SLC22A4: variants seen among roughly 807,000 people sequenced by gnomAD.
The protein encoded by SLC22A4 is solute carrier family 22 member 4.
A neutral mutation model predicts 56.6 loss-of-function variants in SLC22A4; 39 were observed. The ratio of observed to expected loss-of-function variants is 0.69; its 90% CI spans 0.53 to 0.90. The LOEUF is 0.90. Ranked by LOEUF, SLC22A4 falls within the 40% of genes least tolerant of loss-of-function variation. SLC22A4 has a pLI of 0.00. For synonymous variants in SLC22A4, 241 were observed against 281.4 expected (o/e 0.86, Z 1.44); for missense variants, 594 against 696.5 (o/e 0.85, Z 1.66).
chr5:132,323,556 C>A (rs1750602054), intron 4 of SLC22A4, among the ~76,000 whole-genome samples: 1 of 152,206 alleles, frequency 6.6e-6, no homozygotes. Flanking sequence ...TTGCAACATT[C>A]CTCTGGAACC....
chr5:132,340,078 T>G (rs908343921), intron 8 of SLC22A4, among the ~76,000 whole-genome samples: 18 of 148,316 alleles, frequency 1.2e-4, no homozygotes, highest in Admixed American at 8.0e-4. Context: ...TTTTTTTTTT[T>G]TTTTTTTTTT....
intron 8 of SLC22A4, among the ~76,000 whole-genome samples, chr5:132,337,441 A>AT (rs879612640): frequency 8.7e-4 from 125 of 143,340 alleles, no homozygotes; most frequent in East Asian, 2.2e-3. Context: ...AGCCCAGCTA[A>AT]TTTTTTTTTT....
In SLC22A4 at chr5:132,331,207, C is replaced by T. The variant is rs184794865; in HGVS notation, c.952-549C>T. 8.3e-4 allele frequency among the ~76,000 whole-genome samples: 127 copies of T among 152,222 alleles called. 2 individuals are homozygous for T. In the East Asian group the frequency reaches 0.019, roughly 23 times the overall value. On this transcript the variant is annotated intron_variant, in intron 5 of 9. Coordinates refer to ENST00000200652, the MANE Select transcript of SLC22A4 (RefSeq NM_003059.3). ...AATTAGCCAGATGCGGTGGTGCTCG[C>T]CTGTAATCCCAGCTACTCAGGAGGC...
At chr5:132,297,336 A>G (rs1051020981) in intron 1 of SLC22A4, among the ~76,000 whole-genome samples, 3 of 151,950 alleles carry the variant, frequency 2.0e-5, no homozygotes, top group African/African-American at 7.3e-5. Flanking sequence ...CAAACAAACA[A>G]CAACAACAAC....
chr5:132,304,762 G>A (rs1231600205), intron 1 of SLC22A4, among the ~76,000 whole-genome samples: 1 of 151,872 alleles, frequency 6.6e-6, no homozygotes, highest in African/African-American at 2.4e-5. Flanking sequence ...ACCTATACAT[G>A]GGGGGAAAAC....
intron 3 of SLC22A4, among the ~76,000 whole-genome samples, chr5:132,314,521 C>A (rs1750277764): frequency 6.6e-6 from 1 of 152,132 alleles, no homozygotes; most frequent in African/African-American, 2.4e-5. Flanking sequence ...TGAGGGGTAT[C>A]CCTGGGACAG....
intron 1 of SLC22A4, chr5:132,295,381 G>A (rs1374034233): frequency 2.5e-5 from 12 of 476,166 alleles, no homozygotes; most frequent in Admixed American, 4.9e-5. Context: ...GGAGGGGTGT[G>A]AGGGACCTTG....
intron 1 of SLC22A4, among the ~76,000 whole-genome samples, chr5:132,306,387 ATATATATATATATATATAT>A (rs1561535734): frequency 9.5e-5 from 2 of 21,160 alleles, no homozygotes; most frequent in African/African-American, 5.0e-4. Context: ...ACCGTGAAAT[ATATATATATATATATATAT>A]ATATATATAT....
At chr5:132,339,797 A>G (rs530484968) in intron 8 of SLC22A4, among the ~76,000 whole-genome samples, 35 of 152,306 alleles carry the variant, frequency 2.3e-4, no homozygotes, top group African/African-American at 8.4e-4. Flanking sequence ...AGAAGCTGCA[A>G]TAACAATATT....
Position 132,294,533 on chromosome 5 carries a change from TGG to T in SLC22A4, c.-81_-80del, listed in dbSNP as rs1458605574. 5 of 1,594,086 alleles carry T rather than the reference TGG, an allele frequency of 3.1e-6. No homozygotes were observed. Among genetic ancestry groups the T allele is most frequent in the Non-Finnish European group, 4.3e-6 (5 of 1,165,932 alleles). On this transcript the variant is annotated 5_prime_UTR_variant, in exon 1 of 10. Coordinates refer to ENST00000200652, the MANE Select transcript of SLC22A4 (RefSeq NM_003059.3). The surrounding 1 kb of genome is among the most constrained non-coding windows in gnomAD (Gnocchi z 5.6). ...TCCCCCGGGAACGTTCTAACATCCT[TGG>T]GGAGCGCCCCAGCTACAAGACACTG...
At chr5:132,336,282 G>C (rs1398330824) in intron 8 of SLC22A4, among the ~76,000 whole-genome samples, 2 of 152,160 alleles carry the variant, frequency 1.3e-5, no homozygotes, top group Non-Finnish European at 2.9e-5. Flanking sequence ...CCAGCACTTT[G>C]GGAGGCCAAG....
intron 3 of SLC22A4, 97 bp from the exon 4 acceptor site, chr5:132,322,087 A>G: frequency 1.8e-6 from 2 of 1,118,934 alleles, no homozygotes; most frequent in Non-Finnish European, 2.7e-6. Context: ...CCCTTTTCTA[A>G]GTGGTGATAG....
At chr5:132,342,697 A>G (rs945757447) in intron 9 of SLC22A4, among the ~76,000 whole-genome samples, 1 of 152,218 alleles carries the variant, frequency 6.6e-6, no homozygotes, top group Non-Finnish European at 1.5e-5. Context: ...GACTCACAGC[A>G]CTCAGAACAC....
At chr5:132,322,409 A>G in intron 4 of SLC22A4, 54 bp downstream of exon 4, 6 of 1,546,772 alleles carry the variant, frequency 3.9e-6, no homozygotes, top group Non-Finnish European at 5.3e-6. Flanking sequence ...GCACACCTGG[A>G]ACACACCTGG....
chr5:132,309,272 G>A (rs3792880), intron 1 of SLC22A4, among the ~76,000 whole-genome samples: 1 of 152,112 alleles, frequency 6.6e-6, no homozygotes, highest in Admixed American at 6.5e-5. Flanking sequence ...AAAGACACTT[G>A]CGGCACCATA....
At chr5:132,310,905 C>T (rs1462632356) in intron 1 of SLC22A4, among the ~76,000 whole-genome samples, 3 of 152,180 alleles carry the variant, frequency 2.0e-5, no homozygotes, top group Non-Finnish European at 4.4e-5. Context: ...GTCTGGCAAG[C>T]AGGCAGGCCC....
At chr5:132,329,482 T>A (rs1460068067) in intron 5 of SLC22A4, among the ~76,000 whole-genome samples, 4 of 151,772 alleles carry the variant, frequency 2.6e-5, no homozygotes, top group African/African-American at 9.7e-5. Flanking sequence ...GCTTTTTTTT[T>A]TTTTCAAAAA....
chr5:132,331,817 T>C lies in SLC22A4; in HGVS notation c.1013T>C (p.Ile338Thr). 6.2e-7 allele frequency: 1 copy of C among 1,613,510 alleles called. No individual in the cohort carries two copies. Among genetic ancestry groups the C allele is most frequent in the Non-Finnish European group, 8.5e-7 (1 of 1,179,436 alleles). The change falls in exon 6 of 10, where the codon ATT (isoleucine) becomes ACT (threonine). Residue 338 changes from isoleucine to threonine, a missense_variant. Coordinates refer to ENST00000200652, the MANE Select transcript of SLC22A4 (RefSeq NM_003059.3). ...FILDLFRTRN[I>T]AIMTIMSLLL... is the part of the protein sequence containing the mutation. ...CTGGACCTGTTCAGGACTCGGAATATTGCCATAATGACCATTATGTCTTTG... is the reference window on the plus strand; with the variant it reads ...CTGGACCTGTTCAGGACTCGGAATACTGCCATAATGACCATTATGTCTTTG...
At chr5:132,312,076 C>G in intron 1 of SLC22A4, 85 bp from the exon 2 acceptor site, 1 of 843,936 alleles carries the variant, frequency 1.2e-6, no homozygotes, top group Non-Finnish European at 2.1e-6. Flanking sequence ...TGCCCGCCAG[C>G]CGTGCTAATA....
Sources: allele counts gnomAD v4.1 joint callset (sites outside exome capture counted in the v4.1 genomes callset), GRCh38; gene constraint gnomAD v4.1.1; non-coding constraint Gnocchi (gnomAD v3.1); transcripts MANE v1.5; gene names NCBI Gene and HGNC (gene_info 2026-07-23, HGNC 2026-07-21).